Variants in SSNA1 observed in about 807,000 individuals in gnomAD.
SSNA1 encodes SS nuclear autoantigen 1.
In SSNA1, 13 loss-of-function variants were observed where a neutral mutation model predicts 13.3. That is an observed-to-expected ratio of 0.97 (90% CI 0.63 to 1.55). The LOEUF (loss-of-function observed/expected upper bound fraction) is 1.55. Among genes scored for constraint, SSNA1 ranks in the 40% most tolerant of loss-of-function variants. SSNA1 has a pLI of 0.00. For synonymous variants in SSNA1, 89 were observed against 65.9 expected, an observed-to-expected ratio of 1.35 and a Z score of -1.70; for missense variants, 186 against 152.7, an observed-to-expected ratio of 1.22 and a Z score of -1.15.
At chr9:137,189,775 C>T in intron 2 of SSNA1, 32 bp from the exon 3 acceptor site, 1 of 1,598,506 alleles carries the variant, frequency 6.3e-7, no homozygotes, top group Non-Finnish European at 8.6e-7. Context: ...AACAGGTGAA[C>T]ATTAACAACC....
chr9:137,189,684 A>C (rs541361522), intron 2 of SSNA1, 123 bp from the exon 3 acceptor site: 8 of 865,888 alleles, frequency 9.2e-6, no homozygotes, highest in Non-Finnish European at 1.4e-5. Flanking sequence ...GCCTTCCCCC[A>C]CACAGGATCC....
chr9:137,188,676 A>G lies in SSNA1; in HGVS notation c.-51A>G, dbSNP rs1834537045. 1.3e-6 allele frequency: 2 copies of G among 1,570,964 alleles called. No individual in the cohort carries two copies. Among genetic ancestry groups the G allele is most frequent in the Non-Finnish European group, 1.7e-6 (2 of 1,167,692 alleles). On this transcript the variant is annotated 5_prime_UTR_variant, in exon 1 of 3. Transcript: ENST00000322310. ...GGGGGAGTCGTGCGCAGGCGCGGACAGCGCTGCTTCCGCGGCGGTTGGGGT... is the reference window on the plus strand; with the variant it reads ...GGGGGAGTCGTGCGCAGGCGCGGACGGCGCTGCTTCCGCGGCGGTTGGGGT...
In SSNA1 at chr9:137,189,246, C is replaced by T. The variant is rs1564381403; in HGVS notation, c.233C>T (p.Thr78Met). Reference sequence around the variant, plus strand: ...GAGTTCGACCGGACCATCGCGGAGACGGAGGCCGCCTACCTCAAGGTGGAG... The same window carrying T: ...GAGTTCGACCGGACCATCGCGGAGATGGAGGCCGCCTACCTCAAGGTGGAG... ...RNEFDRTIAE[T>M]EAAYLKILES... The change falls in exon 2 of 3, where the codon ACG becomes ATG. Residue 78 changes from threonine (T) to methionine (M), a missense_variant. Physicochemically the swap from Thr to Met is moderately conservative, Grantham distance 81. Coordinates refer to ENST00000322310, the MANE Select transcript of SSNA1 (RefSeq NM_003731.3). 6.2e-7 allele frequency: 1 copy of T among 1,613,086 alleles called. No individual in the cohort carries two copies.
chr9:137,189,655 C>T (rs1834566520), intron 2 of SSNA1, 152 bp from the exon 3 acceptor site: 4 of 680,586 alleles, frequency 5.9e-6, no homozygotes, highest in Non-Finnish European at 7.5e-6. Flanking sequence ...ACCCCGTCTG[C>T]CAGTCCCCTT....
At chr9:137,188,915 G>T in intron 1 of SSNA1, 137 bp downstream of exon 1, 1 of 1,321,222 alleles carries the variant, frequency 7.6e-7, no homozygotes, top group South Asian at 1.6e-5. Context: ...GAGGCCGGGT[G>T]TCCGTGGCCC....
intron 1 of SSNA1, 57 bp from the exon 2 acceptor site, chr9:137,189,009 C>T: frequency 6.5e-7 from 1 of 1,530,016 alleles, no homozygotes; most frequent in Non-Finnish European, 8.8e-7. Context: ...AGGAGGCCCG[C>T]CCTCCGCCGC....
intron 1 of SSNA1, 120 bp downstream of exon 1, chr9:137,188,898 C>G (rs1374339498): frequency 1.1e-5 from 15 of 1,333,014 alleles, no homozygotes; most frequent in Non-Finnish European, 1.5e-5. Context: ...CAGAGCCCTC[C>G]GTGCCGGAGG....
Position 137,189,949 on chromosome 9 carries a change from C to G in SSNA1, c.*35C>G. 6.4e-7 allele frequency: 1 copy of G among 1,561,970 alleles called. No individual in the cohort carries two copies. The highest frequency in any genetic ancestry group is 8.8e-7 in the Non-Finnish European group (1 of 1,134,586). ...GGGCAGGGCCTGCCTCCGTGTGCCC[C>G]TCAGCTCAGCCCCAGCAAGTGTGTG... On this transcript the variant is annotated 3_prime_UTR_variant, in exon 3 of 3. Coordinates refer to ENST00000322310, the MANE Select transcript of SSNA1 (RefSeq NM_003731.3).
Position 137,190,225 on chromosome 9 carries a change from G to A in SSNA1, c.*311G>A. On this transcript the variant is annotated 3_prime_UTR_variant, in exon 3 of 3. Transcript: ENST00000322310. ...GCTCTGGTTGTCTGAGCACCATGGG[G>A]GCCCCCTCACCTTGTCCCTCCTCAG... 1 of 368,296 alleles carries A rather than the reference G, an allele frequency of 2.7e-6. No individual in the cohort carries two copies. Among genetic ancestry groups the A allele is most frequent in the Non-Finnish European group, 5.1e-6 (1 of 197,118 alleles). The allele number at this position is 368,296 out of a possible 1,614,324, so 22.8% of individuals were successfully genotyped here.
rs773235727 is a variant in SSNA1, at chr9:137,189,275, G to A, written c.252+10G>A. ...GGCCGCCTACCTCAAGGTGGAGCTCGGGAGGCCAGGCCGAGCATCAGGGGA... is the reference window on the plus strand; with the variant it reads ...GGCCGCCTACCTCAAGGTGGAGCTCAGGAGGCCAGGCCGAGCATCAGGGGA... On this transcript the variant is annotated intron_variant, in intron 2 of 2. Transcript: ENST00000322310. 1 of 1,612,826 alleles carries A rather than the reference G, an allele frequency of 6.2e-7. No individual in the cohort carries two copies. Among genetic ancestry groups the A allele is most frequent in the South Asian group, 1.1e-5 (1 of 91,068 alleles).
At position 137,190,240 on chromosome 9, in the gene SSNA1, T is replaced by G; in HGVS notation, c.*326T>G. ...GCACCATGGGGGCCCCCTCACCTTG[T>G]CCCTCCTCAGCCAGCAGAGGCCCAG... is the stretch of plus-strand genomic sequence containing the variant. On this transcript the variant is annotated 3_prime_UTR_variant, in exon 3 of 3. Transcript: ENST00000322310. The G allele has an allele frequency of 3.0e-6, 1 of 331,254 alleles. No homozygotes were observed. Among genetic ancestry groups the G allele is most frequent in the Non-Finnish European group, 5.7e-6 (1 of 174,602 alleles). 20.5% of individuals were successfully genotyped at this position (331,254 alleles called of 1,614,324 possible).
Position 137,188,692 on chromosome 9 carries a change from C to A in SSNA1, c.-35C>A. ...GGCGCGGACAGCGCTGCTTCCGCGG[C>A]GGTTGGGGTGGTGGGGCCCCGGGCG... On this transcript the variant is annotated 5_prime_UTR_variant, in exon 1 of 3. Transcript: ENST00000322310. 6.4e-7 allele frequency: 1 copy of A among 1,573,532 alleles called. No homozygotes were observed. Among genetic ancestry groups the A allele is most frequent in the Non-Finnish European group, 8.6e-7 (1 of 1,168,708 alleles).
chr9:137,189,112 C>T lies in SSNA1; in HGVS notation c.99C>T (p.Ile33=), dbSNP rs200817255. The change falls in exon 2 of 3, where the codon ATC becomes ATT. Residue 33 remains isoleucine (I), a synonymous_variant. Transcript: ENST00000322310. ...CQKREELCRQ[I]QEEEDEKQRL... is the part of the protein sequence containing the mutation. ...AGCGGGAGGAGCTGTGCCGGCAGAT[C>T]CAGGAGGAGGAGGACGAGAAGCAGC... The T allele has an allele frequency of 9.5e-5, 152 of 1,601,588 alleles. 1 individual carries two copies. The East Asian group carries it at 3.3e-3, about 35-fold the overall frequency.
At chr9:137,189,693 C>A in intron 2 of SSNA1, 114 bp from the exon 3 acceptor site, 2 of 924,944 alleles carry the variant, frequency 2.2e-6, no homozygotes, top group Admixed American at 2.2e-5. Flanking sequence ...CACACAGGAT[C>A]CCTTGGCTAC....
Position 137,188,677 on chromosome 9 carries a change from G to A in SSNA1, c.-50G>A, listed in dbSNP as rs768862405. On this transcript the variant is annotated 5_prime_UTR_variant, in exon 1 of 3. Transcript: ENST00000322310. ...GGGGAGTCGTGCGCAGGCGCGGACA[G>A]CGCTGCTTCCGCGGCGGTTGGGGTG... is the stretch of plus-strand genomic sequence containing the variant. 2 of 1,571,810 alleles carry A rather than the reference G, an allele frequency of 1.3e-6. No individual in the cohort carries two copies. The highest frequency in any genetic ancestry group is 8.6e-7 in the Non-Finnish European group (1 of 1,167,944).
At chr9:137,188,852 C>G in intron 1 of SSNA1, 74 bp downstream of exon 1, 1 of 1,449,496 alleles carries the variant, frequency 6.9e-7, no homozygotes, top group South Asian at 1.3e-5. Flanking sequence ...CGGGGTGCCC[C>G]TGGACCCGCC....
In SSNA1 at chr9:137,190,076, C is replaced by A; in HGVS notation, c.*162C>A. 1 of 645,674 alleles carries A rather than the reference C, an allele frequency of 1.5e-6. No homozygotes were observed. The highest frequency in any genetic ancestry group is 2.7e-6 in the Non-Finnish European group (1 of 372,922). 40.0% of individuals were successfully genotyped at this position (645,674 alleles called of 1,614,324 possible). On this transcript the variant is annotated 3_prime_UTR_variant, in exon 3 of 3. Transcript: ENST00000322310. ...CCTCCACTGGCATCAGTGACAAGCC[C>A]AGGGCACAGCCCACCCGGGGGTCCT...
At position 137,189,114 on chromosome 9, in the gene SSNA1, A is replaced by G; in HGVS notation, c.101A>G (p.Gln34Arg). 6.2e-7 allele frequency: 1 copy of G among 1,601,920 alleles called. No homozygotes were observed. The highest frequency in any genetic ancestry group is 8.5e-7 in the Non-Finnish European group (1 of 1,174,590). Residue 34 changes from glutamine (Q) to arginine (R), a missense_variant, in exon 2 of 3, where the codon CAG (glutamine) becomes CGG (arginine). Gln to Arg is a conservative substitution (Grantham distance 43). Transcript: ENST00000322310. ...QKREELCRQI[Q>R]EEEDEKQRLQ... ...CGGGAGGAGCTGTGCCGGCAGATCC[A>G]GGAGGAGGAGGACGAGAAGCAGCGG...
In SSNA1 at chr9:137,188,700, G is replaced by C; in HGVS notation, c.-27G>C. On this transcript the variant is annotated 5_prime_UTR_variant, in exon 1 of 3. Coordinates refer to ENST00000322310, the MANE Select transcript of SSNA1 (RefSeq NM_003731.3). The stretch of plus-strand genomic sequence containing the variant: ...CAGCGCTGCTTCCGCGGCGGTTGGG[G>C]TGGTGGGGCCCCGGGCGGCGTTGAC... 6.3e-7 allele frequency: 1 copy of C among 1,577,110 alleles called. No individual in the cohort carries two copies. The highest frequency in any genetic ancestry group is 8.5e-7 in the Non-Finnish European group (1 of 1,170,270).
Sources: allele counts gnomAD v4.1 joint callset, GRCh38; gene constraint gnomAD v4.1.1; transcripts MANE v1.5; gene names NCBI Gene and HGNC (gene_info 2026-07-23, HGNC 2026-07-21).